The following SORCS1 variants were observed in gnomAD, a reference collection of about 807,000 sequenced individuals.
SORCS1 encodes sortilin related VPS10 domain containing receptor 1.
In SORCS1, 60 loss-of-function variants were observed where a neutral mutation model predicts 146.1. That is an observed-to-expected ratio of 0.41 (90% confidence interval 0.33 to 0.51). The LOEUF (loss-of-function observed/expected upper bound fraction) is 0.51. Ranked by LOEUF, SORCS1 falls within the 20% of genes least tolerant of loss-of-function variation. The pLI, the probability that SORCS1 is intolerant of heterozygous loss-of-function variation, is 0.21. For synonymous variants in SORCS1, 637 were observed against 584.0 expected (o/e 1.09, Z -1.31); for missense variants, 1,352 against 1,487.6 (o/e 0.91, Z 1.50).
intron 1 of SORCS1, among the ~76,000 whole-genome samples, chr10:107,107,016 A>AGCC (rs1234154836): frequency 6.6e-6 from 1 of 152,208 alleles, no homozygotes; most frequent in African/African-American, 2.4e-5. Flanking sequence ...GTTGTTTAAA[A>AGCC]GCCACCCAGT....
chr10:106,863,765 C>T (rs1056680247), intron 2 of SORCS1, among the ~76,000 whole-genome samples: 1 of 151,190 alleles, frequency 6.6e-6, no homozygotes, highest in Admixed American at 6.6e-5. Context: ...GACATTTGCC[C>T]ACAAGTCCCA....
intron 2 of SORCS1, among the ~76,000 whole-genome samples, chr10:106,850,094 T>A (rs890160464): frequency 3.9e-5 from 6 of 151,972 alleles, no homozygotes; most frequent in African/African-American, 1.4e-4. Flanking sequence ...CAGGCCTCCT[T>A]GAGCTGTGGT....
intron 1 of SORCS1, among the ~76,000 whole-genome samples, chr10:107,012,089 T>C (rs1318060756): frequency 6.6e-6 from 1 of 152,238 alleles, no homozygotes; most frequent in Non-Finnish European, 1.5e-5. Flanking sequence ...CAACTGTTAT[T>C]GCAGCAGATT....
chr10:106,856,322 G>A (rs890532409), intron 2 of SORCS1, among the ~76,000 whole-genome samples: 18 of 152,116 alleles, frequency 1.2e-4, no homozygotes, highest in Admixed American at 1.1e-3. Context: ...GAGCCACCCC[G>A]CCCAGCCAGG....
chr10:106,606,751 C>T (rs943099083), intron 23 of SORCS1, among the ~76,000 whole-genome samples: 3 of 152,156 alleles, frequency 2.0e-5, no homozygotes, highest in Admixed American at 2.0e-4. Context: ...TGGGAGGTAA[C>T]TGAATCATGG....
rs190249015 is a variant in SORCS1, at chr10:106,964,862, C to A, written c.559-8282G>T. Among the ~76,000 whole-genome samples the A allele has an allele frequency of 4.2e-4, 63 of 151,320 alleles. 1 individual carries two copies. The highest frequency in any genetic ancestry group is 3.4e-3 in the Middle Eastern group (1 of 294). On this transcript the variant is annotated intron_variant, in intron 1 of 25. Transcript: ENST00000263054. ...CTCCTGGCCTGAAATGATCCTCATG[C>A]CTCAGCCCCACAAAGTGCTGAGATT...
At chr10:107,020,401 G>A (rs1311558660) in intron 1 of SORCS1, among the ~76,000 whole-genome samples, 1 of 152,210 alleles carries the variant, frequency 6.6e-6, no homozygotes, top group Non-Finnish European at 1.5e-5. Flanking sequence ...TGGGGAAGGA[G>A]GAAGAGGGAA....
At chr10:107,161,074 TCA>T (rs964468088) in intron 1 of SORCS1, among the ~76,000 whole-genome samples, 2 of 152,136 alleles carry the variant, frequency 1.3e-5, no homozygotes, top group Non-Finnish European at 2.9e-5. Flanking sequence ...TACAGAGGAA[TCA>T]CATCACACCC....
chr10:106,952,970 G>A lies in SORCS1; in HGVS notation c.626+3543C>T, dbSNP rs138668491. 7.6e-3 allele frequency among the ~76,000 whole-genome samples: 1,160 copies of A among 151,992 alleles called. 6 individuals are homozygous for A. The highest frequency in any genetic ancestry group is 0.012 in the Non-Finnish European group (831 of 67,992). On this transcript the variant is annotated intron_variant, in intron 2 of 25. Coordinates refer to ENST00000263054, the MANE Select transcript of SORCS1 (RefSeq NM_052918.5). Reference sequence around the variant, plus strand: ...TGCACTCCAGCCTGGGTGACAGGGTGAGATTCTGTCTCAAATACTACTACT... The same window carrying A: ...TGCACTCCAGCCTGGGTGACAGGGTAAGATTCTGTCTCAAATACTACTACT...
At chr10:106,897,602 G>T (rs1204790250) in intron 2 of SORCS1, among the ~76,000 whole-genome samples, 3 of 151,952 alleles carry the variant, frequency 2.0e-5, no homozygotes, top group Non-Finnish European at 4.4e-5. Context: ...TCACCTCTGG[G>T]TATCTGTGTG....
chr10:106,713,401 T>C (rs576811121), intron 6 of SORCS1, among the ~76,000 whole-genome samples: 1 of 152,352 alleles, frequency 6.6e-6, no homozygotes, highest in African/African-American at 2.4e-5. Context: ...GCATACACAA[T>C]TCTTGTTTTA....
intron 3 of SORCS1, among the ~76,000 whole-genome samples, chr10:106,816,085 A>G (rs1005001066): frequency 6.6e-6 from 1 of 152,238 alleles, no homozygotes; most frequent in African/African-American, 2.4e-5. Flanking sequence ...TGGTTGGTAG[A>G]ATTTGGGTTC....
At position 106,960,281 on chromosome 10, in the gene SORCS1, A is replaced by C. The variant is rs1955158694; in HGVS notation, c.559-3701T>G. Among the ~76,000 whole-genome samples the C allele has an allele frequency of 6.6e-6, 1 of 152,202 alleles. No homozygotes were observed. The highest frequency in any genetic ancestry group is 2.1e-4 in the South Asian group (1 of 4,824). On this transcript the variant is annotated intron_variant, in intron 1 of 25. Transcript: ENST00000263054. The surrounding 1 kb of genome is among the most constrained non-coding windows in gnomAD (Gnocchi z 4.4). ...ACATGCTTCAAGTATCCCCCTCGCC[A>C]GTCTAGGACTTGCTGTCAGCACATG...
Position 106,828,814 on chromosome 10 carries a change from T to C in SORCS1, c.726+760A>G, listed in dbSNP as rs1948408531. Among the ~76,000 whole-genome samples the C allele has an allele frequency of 2.0e-5, 3 of 152,204 alleles. No individual in the cohort carries two copies. In the South Asian group the frequency reaches 6.2e-4, roughly 31 times the overall value. ...AATATTTTCTTCCTAAAAAATGACATACCTGAGGAGTAGATAAGCTCTCAT... is the reference window on the plus strand; with the variant it reads ...AATATTTTCTTCCTAAAAAATGACACACCTGAGGAGTAGATAAGCTCTCAT... On this transcript the variant is annotated intron_variant, in intron 3 of 25. Transcript: ENST00000263054.
intron 2 of SORCS1, among the ~76,000 whole-genome samples, chr10:106,857,881 T>G (rs1192933763): frequency 6.6e-6 from 1 of 152,194 alleles, no homozygotes; most frequent in African/African-American, 2.4e-5. Flanking sequence ...GCAATCTACA[T>G]CAAACGATGA....
chr10:107,044,433 A>C (rs886267003), intron 1 of SORCS1, among the ~76,000 whole-genome samples: 2 of 151,724 alleles, frequency 1.3e-5, no homozygotes, highest in Non-Finnish European at 2.9e-5. Flanking sequence ...ATTTTAAAAA[A>C]ACAAGCAATG....
chr10:106,897,850 A>G (rs7081704), intron 2 of SORCS1, among the ~76,000 whole-genome samples: 2,879 of 152,340 alleles, frequency 0.019, 84 homozygotes, highest in East Asian at 0.11. Context: ...TTTGAGAAAC[A>G]TAAGAATGGA....
chr10:106,965,031 G>A (rs1955436357), intron 1 of SORCS1, among the ~76,000 whole-genome samples: 1 of 151,568 alleles, frequency 6.6e-6, no homozygotes, highest in South Asian at 2.1e-4. Flanking sequence ...CATATAGCAG[G>A]AAGTCCAGAG....
intron 2 of SORCS1, among the ~76,000 whole-genome samples, chr10:106,918,892 A>G (rs1952571973): frequency 6.6e-6 from 1 of 152,088 alleles, no homozygotes; most frequent in South Asian, 2.1e-4. Context: ...GCTGGAGTAC[A>G]GTGGCATGAT....
Sources: allele counts gnomAD v4.1 joint callset (sites outside exome capture counted in the v4.1 genomes callset), GRCh38; gene constraint gnomAD v4.1.1; non-coding constraint Gnocchi (gnomAD v3.1); transcripts MANE v1.5; gene names NCBI Gene and HGNC (gene_info 2026-07-23, HGNC 2026-07-21).